HEBP2: variants seen among roughly 807,000 people sequenced by gnomAD.
HEBP2 encodes heme binding protein 2.
HEBP2 carries 27 observed loss-of-function variants against 23.1 expected under a neutral mutation model. The observed-to-expected ratio is 1.17, with a 90% CI of 0.86 to 1.61. The LOEUF (loss-of-function observed/expected upper bound fraction) is 1.61. Ranked by LOEUF, HEBP2 falls within the 40% of genes most tolerant of loss-of-function variation. The pLI is 0.00. For synonymous variants in HEBP2, 99 were observed against 95.1 expected (o/e 1.04, Z -0.24); for missense variants, 245 against 253.8 (o/e 0.97, Z 0.24).
upstream of HEBP2, chr6:138,403,670 C>T (rs941397775): frequency 7.1e-6 from 3 of 423,216 alleles, no homozygotes; most frequent in Admixed American, 8.8e-5. Context: ...GGAACAGAGC[C>T]GCACCCCACT....
At position 138,413,139 on chromosome 6, in the gene HEBP2, A is replaced by G. The variant is rs1774781109; in HGVS notation, c.*61A>G. Reference sequence around the variant, plus strand: ...ACATCTGTTTATCATAGACATCAACATGACCTATAAGTAAAGTGCGTGTCT... The same window carrying G: ...ACATCTGTTTATCATAGACATCAACGTGACCTATAAGTAAAGTGCGTGTCT... On this transcript the variant is annotated 3_prime_UTR_variant, in exon 4 of 4. Transcript: ENST00000607197. The G allele has an allele frequency of 7.7e-7, 1 of 1,303,754 alleles. No individual in the cohort carries two copies. Among genetic ancestry groups the G allele is most frequent in the Non-Finnish European group, 1.1e-6 (1 of 905,654 alleles). 80.8% of individuals were successfully genotyped at this position (1,303,754 alleles called of 1,614,324 possible). A position where few individuals can be genotyped will look rare whatever the true frequency, so the allele number is the denominator to read the frequency against.
rs6570233 is a variant in HEBP2, at chr6:138,418,779, T to C, written c.*5701T>C. On this transcript the variant is annotated 3_prime_UTR_variant, in exon 4 of 4. Coordinates refer to ENST00000607197, the MANE Select transcript of HEBP2 (RefSeq NM_014320.3). ...AATGGACCTTCACTCAAAGGTGACA[T>C]TGAAAAACGGGAAAAAAATTGCAAT... The C allele has an allele frequency of 0.035, 5,269 of 152,182 alleles. 100 individuals carry two copies. The highest frequency in any genetic ancestry group is 0.054 in the African/African-American group (2,259 of 41,502). 9.4% of individuals were successfully genotyped at this position (152,182 alleles called of 1,614,324 possible).
rs1774799946 is a variant in HEBP2, at chr6:138,414,083, G to A, written c.*1005G>A. 1 of 152,418 alleles carries A rather than the reference G, an allele frequency of 6.6e-6. No homozygotes were observed. The highest frequency in any genetic ancestry group is 1.5e-5 in the Non-Finnish European group (1 of 68,204). The allele number at this position is 152,418 out of a possible 1,614,324, so 9.4% of individuals were successfully genotyped here. ...GGTGGTCAGCAAAGGCCTCTCAAGA[G>A]ACAGTTGAGACTTGAATGACGAGGA... is the stretch of plus-strand genomic sequence containing the variant. On this transcript the variant is annotated 3_prime_UTR_variant, in exon 4 of 4. Transcript: ENST00000607197.
intron 3 of HEBP2, among the ~76,000 whole-genome samples, chr6:138,408,628 C>A (rs1327295440): frequency 6.6e-6 from 1 of 152,188 alleles, no homozygotes; most frequent in Non-Finnish European, 1.5e-5. Context: ...ACCCTTACAG[C>A]AGTCATGTGT....
In HEBP2 at chr6:138,418,455, G is replaced by A. The variant is rs1774871599; in HGVS notation, c.*5377G>A. 1 of 152,252 alleles carries A rather than the reference G, an allele frequency of 6.6e-6. No homozygotes were observed. Among genetic ancestry groups the A allele is most frequent in the Admixed American group, 6.5e-5 (1 of 15,280 alleles). The allele number at this position is 152,252 out of a possible 1,614,324, so 9.4% of individuals were successfully genotyped here. A position where few individuals can be genotyped will look rare whatever the true frequency, so the allele number is the denominator to read the frequency against. On this transcript the variant is annotated 3_prime_UTR_variant, in exon 4 of 4. Transcript: ENST00000607197. ...TAGACACGGAACTTTGAGACCCAGTGATGCTGTATCCAGAACTGCTCATCT... is the reference window on the plus strand; with the variant it reads ...TAGACACGGAACTTTGAGACCCAGTAATGCTGTATCCAGAACTGCTCATCT...
At chr6:138,410,113 C>T (rs182264568) in intron 3 of HEBP2, among the ~76,000 whole-genome samples, 1 of 152,198 alleles carries the variant, frequency 6.6e-6, no homozygotes, top group Non-Finnish European at 1.5e-5. Flanking sequence ...GCTAGGTACT[C>T]TGTCCTGGGG....
rs1304999557 is a variant in HEBP2, at chr6:138,405,925, A to C, written c.239-46A>C. ...CAAAAAAGAATAGGTTAAATGTTTA[A>C]AGCTGTCAAAAATACACTAAATTTG... On this transcript the variant is annotated intron_variant, in intron 2 of 3. Coordinates refer to ENST00000607197, the MANE Select transcript of HEBP2 (RefSeq NM_014320.3). The C allele has an allele frequency of 2.0e-6, 3 of 1,493,198 alleles. No individual in the cohort carries two copies. In the South Asian group the frequency reaches 3.6e-5, roughly 18 times the overall value. The allele number at this position is 1,493,198 out of a possible 1,614,324, so 92.5% of individuals were successfully genotyped here. A position where few individuals can be genotyped will look rare whatever the true frequency, so the allele number is the denominator to read the frequency against.
rs992566204 is a variant in HEBP2, at chr6:138,404,223, C to G, written c.-273C>G. The G allele has an allele frequency of 3.2e-6, 1 of 308,304 alleles. No homozygotes were observed. Among genetic ancestry groups the G allele is most frequent in the Non-Finnish European group, 5.9e-6 (1 of 168,934 alleles). The allele number at this position is 308,304 out of a possible 1,614,324, so 19.1% of individuals were successfully genotyped here. On this transcript the variant is annotated 5_prime_UTR_variant, in exon 1 of 4. Transcript: ENST00000607197. ...AGGCGGGCCGAAGCGAGGTGCGGCTCCCTGTCGCCGCGGAGGGGCGGGGGC... is the reference window on the plus strand; with the variant it reads ...AGGCGGGCCGAAGCGAGGTGCGGCTGCCTGTCGCCGCGGAGGGGCGGGGGC...
At chr6:138,408,385 C>T (rs1774685736) in intron 3 of HEBP2, among the ~76,000 whole-genome samples, 1 of 152,230 alleles carries the variant, frequency 6.6e-6, no homozygotes, top group Non-Finnish European at 1.5e-5. Context: ...ACAAGTTGTA[C>T]TGTCCACATT....
rs1774807103 is a variant in HEBP2 at position 138,414,396 on chromosome 6, A to C, written c.*1318A>C. On this transcript the variant is annotated 3_prime_UTR_variant, in exon 4 of 4. Transcript: ENST00000607197. ...AGTGAGGCCGCTGCTGATTAGCATG[A>C]TTTAGAAGCCTAGTTTGGAGGTGAG... 4 of 152,322 alleles carry C rather than the reference A, an allele frequency of 2.6e-5. No homozygotes were observed. The South Asian group carries it at 8.3e-4, about 32-fold the overall frequency. 9.4% of individuals were successfully genotyped at this position (152,322 alleles called of 1,614,324 possible). A position where few individuals can be genotyped will look rare whatever the true frequency, so the allele number is the denominator to read the frequency against.
At chr6:138,412,801 T>A in intron 3 of HEBP2, 79 bp from the exon 4 acceptor site, 1 of 1,238,152 alleles carries the variant, frequency 8.1e-7, no homozygotes, top group African/African-American at 1.5e-5. Context: ...TTCACGGTAC[T>A]AGCGCCCGCT....
At chr6:138,403,566 G>T, upstream of HEBP2, 1 of 474,476 alleles carries the variant, frequency 2.1e-6, no homozygotes, top group East Asian at 3.5e-5. Flanking sequence ...TGCCCACGAT[G>T]GGAGTCCTCT....
At chr6:138,412,687 C>T (rs1048136733) in intron 3 of HEBP2, among the ~76,000 whole-genome samples, 193 bp from the exon 4 acceptor site, 1 of 152,172 alleles carries the variant, frequency 6.6e-6, no homozygotes, top group Non-Finnish European at 1.5e-5. Context: ...CTCCTGACCT[C>T]AAGTGATCCG....
chr6:138,418,517 A>G lies in HEBP2; in HGVS notation c.*5439A>G, dbSNP rs1327881407. 1.3e-5 allele frequency: 2 copies of G among 152,284 alleles called. No individual in the cohort carries two copies. The highest frequency in any genetic ancestry group is 2.9e-5 in the Non-Finnish European group (2 of 68,096). 9.4% of individuals were successfully genotyped at this position (152,284 alleles called of 1,614,324 possible). On this transcript the variant is annotated 3_prime_UTR_variant, in exon 4 of 4. Transcript: ENST00000607197. ...TGTGGGAAGCACTAAGTCATAAGCTAGTAGGATCGGCAGCAGCCCATTGGA... is the reference window on the plus strand; with the variant it reads ...TGTGGGAAGCACTAAGTCATAAGCTGGTAGGATCGGCAGCAGCCCATTGGA...
Position 138,417,390 on chromosome 6 carries a change from G to A in HEBP2, c.*4312G>A, listed in dbSNP as rs1478715398. 6.6e-6 allele frequency: 1 copy of A among 152,148 alleles called. No individual in the cohort carries two copies. Among genetic ancestry groups the A allele is most frequent in the Non-Finnish European group, 1.5e-5 (1 of 68,034 alleles). 9.4% of individuals were successfully genotyped at this position (152,148 alleles called of 1,614,324 possible). A position where few individuals can be genotyped will look rare whatever the true frequency, so the allele number is the denominator to read the frequency against. ...TTTTAAGCACCTCGGGTGAACATCT[G>A]CTTCTGGCCATGATGATGAATTGGG... is the stretch of plus-strand genomic sequence containing the variant. On this transcript the variant is annotated 3_prime_UTR_variant, in exon 4 of 4. Coordinates refer to ENST00000607197, the MANE Select transcript of HEBP2 (RefSeq NM_014320.3).
At position 138,418,013 on chromosome 6, in the gene HEBP2, A is replaced by C. The variant is rs1003874096; in HGVS notation, c.*4935A>C. ...AAGCTTAAAGACAAGCCTTGGAAGG[A>C]TCAAACTAATTTCAAGAAACTTAAC... On this transcript the variant is annotated 3_prime_UTR_variant, in exon 4 of 4. Coordinates refer to ENST00000607197, the MANE Select transcript of HEBP2 (RefSeq NM_014320.3). The C allele has an allele frequency of 2.6e-5, 4 of 152,228 alleles. No individual in the cohort carries two copies. Among genetic ancestry groups the C allele is most frequent in the African/African-American group, 9.6e-5 (4 of 41,452 alleles). The allele number at this position is 152,228 out of a possible 1,614,324, so 9.4% of individuals were successfully genotyped here. A position where few individuals can be genotyped will look rare whatever the true frequency, so the allele number is the denominator to read the frequency against.
rs752485313 is a variant in HEBP2, at chr6:138,420,582, G to C, written c.*7504G>C. On this transcript the variant is annotated 3_prime_UTR_variant, in exon 4 of 4. Coordinates refer to ENST00000607197, the MANE Select transcript of HEBP2 (RefSeq NM_014320.3). Reference sequence around the variant, plus strand: ...AGGTCACGCTATTCTCAAGACAGGAGGGGTTGGTGGCCAATGATTTCACTA... The same window carrying C: ...AGGTCACGCTATTCTCAAGACAGGACGGGTTGGTGGCCAATGATTTCACTA... 3 of 152,192 alleles carry C rather than the reference G, an allele frequency of 2.0e-5. No individual in the cohort carries two copies. The highest frequency in any genetic ancestry group is 6.5e-5 in the Admixed American group (1 of 15,296). 9.4% of individuals were successfully genotyped at this position (152,192 alleles called of 1,614,324 possible). A position where few individuals can be genotyped will look rare whatever the true frequency, so the allele number is the denominator to read the frequency against.
intron 1 of HEBP2, 95 bp downstream of exon 1, chr6:138,404,692 GT>G (rs927554796): frequency 6.4e-6 from 5 of 786,282 alleles, no homozygotes; most frequent in Non-Finnish European, 8.6e-6. Flanking sequence ...AAAAAGTACA[GT>G]TTTTTAAATG....
In HEBP2 at chr6:138,415,975, C is replaced by T. The variant is rs1238960246; in HGVS notation, c.*2897C>T. 6.6e-6 allele frequency: 1 copy of T among 152,298 alleles called. No individual in the cohort carries two copies. Among genetic ancestry groups the T allele is most frequent in the Non-Finnish European group, 1.5e-5 (1 of 68,146 alleles). 9.4% of individuals were successfully genotyped at this position (152,298 alleles called of 1,614,324 possible). On this transcript the variant is annotated 3_prime_UTR_variant, in exon 4 of 4. Transcript: ENST00000607197. ...AGGTGTCCCTCAGGACTGGTCCCTC[C>T]CCTTCTCCTGGCTACCAGGCCTATA...
Sources: allele counts gnomAD v4.1 joint callset (sites outside exome capture counted in the v4.1 genomes callset), GRCh38; gene constraint gnomAD v4.1.1; transcripts MANE v1.5; gene names NCBI Gene and HGNC (gene_info 2026-07-23, HGNC 2026-07-21).